PTPN9: variants seen among roughly 807,000 people sequenced by gnomAD.
The protein encoded by PTPN9 is protein tyrosine phosphatase non-receptor type 9, also known as tyrosine-protein phosphatase non-receptor type 9.
In PTPN9, 26 loss-of-function variants were observed where a neutral mutation model predicts 69.8. That is an observed-to-expected ratio of 0.37 (90% CI 0.27 to 0.52). PTPN9 has a LOEUF of 0.52. Among genes scored for constraint, PTPN9 ranks in the 20% least tolerant of loss-of-function variants. The pLI is 0.91. For synonymous variants in PTPN9, 274 were observed against 272.5 expected, an observed-to-expected ratio of 1.01 and a Z score of -0.05; for missense variants, 549 against 740.3, an observed-to-expected ratio of 0.74 and a Z score of 3.00.
chr15:75,529,765 C>G (rs947085591), intron 1 of PTPN9, among the ~76,000 whole-genome samples: 5 of 151,652 alleles, frequency 3.3e-5, no homozygotes, highest in Non-Finnish European at 7.4e-5. Context: ...CAAAAATCAG[C>G]CAGGCATGGT....
chr15:75,480,730 C>T lies in PTPN9; in HGVS notation c.1063-816G>A, dbSNP rs922907189. The T allele has an allele frequency of 4.6e-6, 6 of 1,301,370 alleles. No homozygotes were observed. The African/African-American group carries it at 6.4e-5, about 14-fold the overall frequency. 80.6% of individuals were successfully genotyped at this position (1,301,370 alleles called of 1,614,324 possible). Reference sequence around the variant, plus strand: ...CCACAGCCGGGAGGATGGAGTTCAGCGGGCAGCGGAGCTGTCTCAGTCTTT... The same window carrying T: ...CCACAGCCGGGAGGATGGAGTTCAGTGGGCAGCGGAGCTGTCTCAGTCTTT... On this transcript the variant is annotated intron_variant, in intron 8 of 12. Coordinates refer to ENST00000618819, the MANE Select transcript of PTPN9 (RefSeq NM_002833.4).
intron 1 of PTPN9, among the ~76,000 whole-genome samples, chr15:75,567,538 C>T (rs948066406): frequency 6.6e-6 from 1 of 152,116 alleles, no homozygotes; most frequent in African/African-American, 2.4e-5. Context: ...AGAACCTGCC[C>T]AGAAATTACT....
At chr15:75,478,964 G>A (rs1355176937) in intron 9 of PTPN9, among the ~76,000 whole-genome samples, 1 of 152,214 alleles carries the variant, frequency 6.6e-6, no homozygotes, top group Non-Finnish European at 1.5e-5. Context: ...GGAGAGGCCA[G>A]GTCAGGAAGA....
intron 1 of PTPN9, among the ~76,000 whole-genome samples, chr15:75,564,374 CAGG>C (rs2075117689): frequency 6.6e-6 from 1 of 151,946 alleles, no homozygotes; most frequent in Non-Finnish European, 1.5e-5. Context: ...GCGGGTAGAT[CAGG>C]AGGTCAGAAG....
chr15:75,562,527 A>G (rs762684438), intron 1 of PTPN9, among the ~76,000 whole-genome samples: 9 of 152,212 alleles, frequency 5.9e-5, no homozygotes, highest in South Asian at 4.2e-4. Flanking sequence ...TATCATCCCT[A>G]TATCTTAAAG....
intron 5 of PTPN9, among the ~76,000 whole-genome samples, chr15:75,510,434 C>T (rs188401197): frequency 2.5e-4 from 38 of 152,224 alleles, no homozygotes; most frequent in Non-Finnish European, 4.7e-4. Context: ...GACAGGGTTT[C>T]ACCATGTTGG....
At position 75,524,258 on chromosome 15, in the gene PTPN9, T is replaced by C; in HGVS notation, c.248A>G (p.His83Arg). The C allele has an allele frequency of 6.2e-7, 1 of 1,612,296 alleles. No individual in the cohort carries two copies. The highest frequency in any genetic ancestry group is 8.5e-7 in the Non-Finnish European group (1 of 1,178,702). Residue 83 changes from histidine (H) to arginine (R), a missense_variant, in exon 3 of 13, where the codon CAT (histidine) becomes CGT (arginine). Physicochemically the swap from His to Arg is conservative, Grantham distance 29. This residue lies in a region of PTPN9 where 457 missense variants were observed against 661.9 expected (regional missense o/e 0.69). Coordinates refer to ENST00000618819, the MANE Select transcript of PTPN9 (RefSeq NM_002833.4). ...RKEGIVKLKP[H>R]EEPLRSEILS... is the part of the protein sequence containing the mutation. ...GATCTCAGAACGAAGAGGTTCCTCA[T>C]GAGGTTTCAGCTTTACAATGCCTTC...
At chr15:75,530,031 G>A (rs1332587240) in intron 1 of PTPN9, among the ~76,000 whole-genome samples, 3 of 151,478 alleles carry the variant, frequency 2.0e-5, no homozygotes, top group East Asian at 1.9e-4. Context: ...GTGAAACCCC[G>A]TCTCTACTAA....
chr15:75,503,205 G>A (rs996217601), intron 7 of PTPN9, among the ~76,000 whole-genome samples: 9 of 150,074 alleles, frequency 6.0e-5, no homozygotes, highest in Non-Finnish European at 7.4e-5. Flanking sequence ...GCCTCTTCCC[G>A]GCAGCCATCC....
chr15:75,488,179 G>A (rs1442677101), intron 8 of PTPN9, among the ~76,000 whole-genome samples: 1 of 152,150 alleles, frequency 6.6e-6, no homozygotes, highest in Non-Finnish European at 1.5e-5. Flanking sequence ...TACTCGGGAG[G>A]CTGAGAAAGG....
At chr15:75,567,268 T>G (rs1051361387) in intron 1 of PTPN9, among the ~76,000 whole-genome samples, 4 of 152,170 alleles carry the variant, frequency 2.6e-5, no homozygotes, top group Non-Finnish European at 4.4e-5. Context: ...TCCGACTGCC[T>G]TGGCCTCCCA....
At chr15:75,512,947 C>G (rs558682955) in intron 5 of PTPN9, 12 of 388,276 alleles carry the variant, frequency 3.1e-5, no homozygotes, top group Non-Finnish European at 6.0e-5. Flanking sequence ...CTACAGATAC[C>G]AGTTAGCCTT....
chr15:75,476,368 G>A (rs1334940240), intron 9 of PTPN9, among the ~76,000 whole-genome samples: 3 of 152,170 alleles, frequency 2.0e-5, no homozygotes, highest in Non-Finnish European at 2.9e-5. Flanking sequence ...AGGCTGGAGT[G>A]CAGTGGCGTG....
intron 4 of PTPN9, among the ~76,000 whole-genome samples, chr15:75,520,480 AG>A (rs1567500002): frequency 8.6e-4 from 82 of 95,684 alleles, no homozygotes; most frequent in African/African-American, 2.9e-3. Context: ...ATAGATAGAT[AG>A]ATGTGTGTGT....
At chr15:75,536,327 T>C (rs1343703226) in intron 1 of PTPN9, among the ~76,000 whole-genome samples, 1 of 152,150 alleles carries the variant, frequency 6.6e-6, no homozygotes, top group African/African-American at 2.4e-5. Context: ...AGACACAACA[T>C]AGAGACATAA....
intron 1 of PTPN9, among the ~76,000 whole-genome samples, chr15:75,549,546 T>C (rs2075047940): frequency 6.6e-6 from 1 of 151,936 alleles, no homozygotes; most frequent in Admixed American, 6.6e-5. Flanking sequence ...ACTAGCACAA[T>C]CGAAAAGCAT....
intron 1 of PTPN9, among the ~76,000 whole-genome samples, chr15:75,569,343 G>A (rs2075139072): frequency 6.6e-6 from 1 of 152,098 alleles, no homozygotes; most frequent in Admixed American, 6.6e-5. Context: ...AGACAATAAA[G>A]GCATAAAAGT....
At chr15:75,517,189 C>T in intron 5 of PTPN9, 70 bp downstream of exon 5, 2 of 1,170,102 alleles carry the variant, frequency 1.7e-6, no homozygotes, top group Non-Finnish European at 1.2e-6. Flanking sequence ...AAATCTTTTC[C>T]CAAAGAATTA....
chr15:75,469,858 G>A lies in PTPN9; in HGVS notation c.1501C>T (p.Arg501Cys), dbSNP rs372830341. 5.0e-5 allele frequency: 80 copies of A among 1,613,948 alleles called. 1 individual carries two copies. The highest frequency in any genetic ancestry group is 4.4e-4 in the South Asian group (40 of 91,074). Residue 501 changes from arginine (R) to cysteine (C), a missense_variant, in exon 12 of 13, where the codon CGC becomes TGC. Arg to Cys is a radical substitution (Grantham distance 180, BLOSUM62 -3). This residue lies in a region of PTPN9 where 457 missense variants were observed against 661.9 expected (regional missense o/e 0.69). Coordinates refer to ENST00000618819, the MANE Select transcript of PTPN9 (RefSeq NM_002833.4). ...QSLAVSNMGA[R>C]SKGQCPEPPI... is the part of the protein sequence containing the mutation. ...GGCTCAGGGCACTGCCCTTTGGAGC[G>A]TGCTCCCATGTTGCTCACAGCCAGA...
Sources: gnomAD v4.1 joint callset for allele counts (sites outside exome capture counted in the v4.1 genomes callset) on GRCh38, gnomAD v4.1.1 for gene constraint, gnomAD v4.1.1 regional missense constraint, MANE v1.5 for transcripts, NCBI Gene and HGNC (gene_info 2026-07-23, HGNC 2026-07-21) for gene names.